BTC: variants seen among roughly 807,000 people sequenced by gnomAD.
BTC encodes betacellulin.
BTC carries 13 observed loss-of-function variants against 18.1 expected under a neutral mutation model. The ratio of observed to expected loss-of-function variants is 0.72; its 90% CI spans 0.47 to 1.14. The LOEUF is 1.14. Among genes scored for constraint, BTC ranks in the 50% most tolerant of loss-of-function variants. BTC has a pLI of 0.00. For synonymous variants in BTC, 83 were observed against 79.4 expected, an observed-to-expected ratio of 1.05 and a Z score of -0.24; for missense variants, 247 against 224.2, an observed-to-expected ratio of 1.10 and a Z score of -0.65.
chr4:74,777,334 A>G (rs1374150711), intron 1 of BTC, among the ~76,000 whole-genome samples: 4 of 152,178 alleles, frequency 2.6e-5, no homozygotes, highest in African/African-American at 7.2e-5. Flanking sequence ...TGCCTTGCAC[A>G]GGGTAAGCGC....
intron 1 of BTC, among the ~76,000 whole-genome samples, chr4:74,771,297 C>A (rs1725032310): frequency 6.6e-6 from 1 of 152,088 alleles, no homozygotes; most frequent in African/African-American, 2.4e-5. Flanking sequence ...GGTAGGTAAT[C>A]AATGTGCAAT....
chr4:74,767,169 A>C (rs1250959408), intron 2 of BTC, among the ~76,000 whole-genome samples: 1 of 147,018 alleles, frequency 6.8e-6, no homozygotes, highest in Admixed American at 6.8e-5. Flanking sequence ...TACATAAAAA[A>C]TTCTAAAGAC....
intron 2 of BTC, among the ~76,000 whole-genome samples, chr4:74,766,687 C>T (rs1043470538): frequency 2.6e-5 from 4 of 152,030 alleles, no homozygotes; most frequent in South Asian, 2.1e-4. Context: ...CATTTAAATA[C>T]GTAATTCCAA....
intron 1 of BTC, among the ~76,000 whole-genome samples, chr4:74,781,568 A>G (rs371282727): frequency 1.5e-4 from 23 of 152,002 alleles, no homozygotes; most frequent in African/African-American, 4.8e-4. Flanking sequence ...CAAATCTTCC[A>G]TCTAAAATCC....
chr4:74,768,050 G>A (rs1724945994), intron 2 of BTC, among the ~76,000 whole-genome samples: 1 of 152,088 alleles, frequency 6.6e-6, no homozygotes, highest in African/African-American at 2.4e-5. Flanking sequence ...AAATGAAAAA[G>A]CTTCTTCACA....
intron 2 of BTC, among the ~76,000 whole-genome samples, chr4:74,764,503 C>T (rs782651171): frequency 1.3e-5 from 2 of 152,250 alleles, no homozygotes; most frequent in East Asian, 3.9e-4. Flanking sequence ...TTTCCTTAGA[C>T]CCCTCTTTTT....
chr4:74,766,391 A>G (rs1391749379), intron 2 of BTC, among the ~76,000 whole-genome samples: 1 of 152,102 alleles, frequency 6.6e-6, no homozygotes, highest in Non-Finnish European at 1.5e-5. Flanking sequence ...CACACTGTAC[A>G]GCTCTACAAA....
intron 1 of BTC, among the ~76,000 whole-genome samples, chr4:74,778,034 T>C (rs1725222667): frequency 6.6e-6 from 1 of 150,700 alleles, no homozygotes; most frequent in Non-Finnish European, 1.5e-5. Flanking sequence ...AACGTGGAGT[T>C]TGAAAAAAAA....
intron 1 of BTC, among the ~76,000 whole-genome samples, chr4:74,782,339 A>G (rs1344602287): frequency 6.6e-6 from 1 of 152,170 alleles, no homozygotes; most frequent in African/African-American, 2.4e-5. Flanking sequence ...CCCGCTTATA[A>G]GTGAGAACAA....
chr4:74,777,846 A>G (rs1725217274), intron 1 of BTC, among the ~76,000 whole-genome samples: 1 of 152,198 alleles, frequency 6.6e-6, no homozygotes, highest in African/African-American at 2.4e-5. Flanking sequence ...TATAAATCAT[A>G]TCTCTAATTT....
At chr4:74,790,211 A>C (rs895600332) in intron 1 of BTC, among the ~76,000 whole-genome samples, 2 of 152,334 alleles carry the variant, frequency 1.3e-5, no homozygotes, top group Admixed American at 1.3e-4. Context: ...AATGTCAAAA[A>C]ATTTTAAGAG....
intron 5 of BTC, 38 bp downstream of exon 5, chr4:74,748,002 C>T: frequency 3.3e-6 from 4 of 1,203,378 alleles, no homozygotes; most frequent in South Asian, 2.8e-5. Flanking sequence ...TTAAATGTCA[C>T]CTGAATAGTT....
chr4:74,751,847 A>T (rs1724469911), intron 3 of BTC, among the ~76,000 whole-genome samples: 1 of 152,218 alleles, frequency 6.6e-6, no homozygotes, highest in South Asian at 2.1e-4. Flanking sequence ...AGTAATCAAA[A>T]ATATTAATAA....
intron 4 of BTC, among the ~76,000 whole-genome samples, chr4:74,749,828 G>C (rs991078837): frequency 6.7e-6 from 1 of 149,852 alleles, no homozygotes; most frequent in Non-Finnish European, 1.5e-5. Flanking sequence ...AGGTACAGTG[G>C]CTCACTCCTG....
intron 3 of BTC, among the ~76,000 whole-genome samples, chr4:74,751,156 G>A (rs1184543036): frequency 1.3e-5 from 2 of 152,092 alleles, no homozygotes; most frequent in Non-Finnish European, 2.9e-5. Context: ...AAAATTGTAT[G>A]GTTTTATATG....
chr4:74,779,068 C>T (rs1725251395), intron 1 of BTC, among the ~76,000 whole-genome samples: 2 of 152,146 alleles, frequency 1.3e-5, no homozygotes, highest in South Asian at 2.1e-4. Flanking sequence ...AGGGTCTTTA[C>T]AAATAGTGTA....
chr4:74,784,802 T>G (rs1323122553), intron 1 of BTC, among the ~76,000 whole-genome samples: 1 of 152,256 alleles, frequency 6.6e-6, no homozygotes, highest in Non-Finnish European at 1.5e-5. Flanking sequence ...ATAAGCTTTT[T>G]GATATGCTGC....
chr4:74,772,652 CAA>C (rs1179856738), intron 1 of BTC, among the ~76,000 whole-genome samples: 91 of 91,130 alleles, frequency 1.0e-3, no homozygotes, highest in African/African-American at 3.1e-3. Context: ...ATGGTGAGAA[CAA>C]AAAAAAAAAA....
chr4:74,759,005 C>T (rs77021821), intron 2 of BTC, among the ~76,000 whole-genome samples: 1,666 of 152,138 alleles, frequency 0.011, 19 homozygotes, highest in Non-Finnish European at 0.015. Flanking sequence ...GGGCTGGTCT[C>T]TCCCTTGTGA....
Sources: allele counts gnomAD v4.1 joint callset (sites outside exome capture counted in the v4.1 genomes callset), GRCh38; gene constraint gnomAD v4.1.1; transcripts MANE v1.5; gene names NCBI Gene and HGNC (gene_info 2026-07-23, HGNC 2026-07-21).